The following RANBP2 variants were observed in gnomAD, a reference collection of about 807,000 sequenced individuals.
RANBP2 encodes RAN binding protein 2, also known as E3 SUMO-protein ligase RanBP2.
RANBP2 carries 57 observed loss-of-function variants against 303.6 expected under a neutral mutation model. The observed-to-expected ratio is 0.19, with a 90% CI of 0.15 to 0.23. The LOEUF (loss-of-function observed/expected upper bound fraction) is 0.23. Ranked by LOEUF, RANBP2 falls within the 10% of genes least tolerant of loss-of-function variation. The probability of loss-of-function intolerance (pLI) is 1.00; values close to 1 mark genes in which losing one functional copy is unlikely to be tolerated. For synonymous variants in RANBP2, 1,167 were observed against 1,301.5 expected (o/e 0.90, Z 2.23); for missense variants, 3,138 against 3,780.8 (o/e 0.83, Z 4.46).
chr2:108,744,297 G>T (rs1696338180), intron 7 of RANBP2, among the ~76,000 whole-genome samples: 3 of 152,094 alleles, frequency 2.0e-5, no homozygotes, highest in Non-Finnish European at 4.4e-5. Flanking sequence ...CCAGCTACTT[G>T]AGAGGCCGAG....
the RANBP2 span, among the ~76,000 whole-genome samples, chr2:109,037,464 TAAGAC>T: frequency 2.6e-5 from 4 of 151,266 alleles, no homozygotes; most frequent in South Asian, 4.2e-4. Flanking sequence ...ACCACTGAAA[TAAGAC>T]AAGAAAGAGA....
At chr2:108,839,221 C>T in the RANBP2 span, 1 of 1,611,328 alleles carries the variant, frequency 6.2e-7, no homozygotes, top group Non-Finnish European at 8.5e-7. Flanking sequence ...ACAGTGGATG[C>T]CATTTGTGAA....
At chr2:108,872,942 G>T in the RANBP2 span, among the ~76,000 whole-genome samples, 3 of 152,108 alleles carry the variant, frequency 2.0e-5, no homozygotes, top group Non-Finnish European at 2.9e-5. Flanking sequence ...AATTAAATGT[G>T]AGAGTAGTCT....
chr2:108,877,604 T>C, the RANBP2 span, among the ~76,000 whole-genome samples: 1 of 144,988 alleles, frequency 6.9e-6, no homozygotes, highest in African/African-American at 2.5e-5. Context: ...TATATAGAGA[T>C]AGTACTCATG....
At chr2:109,485,025 G>T in the RANBP2 span, among the ~76,000 whole-genome samples, 1 of 152,220 alleles carries the variant, frequency 6.6e-6, no homozygotes, top group Non-Finnish European at 1.5e-5. Context: ...AAAATAGTAC[G>T]TAACCCATCA....
the RANBP2 span, among the ~76,000 whole-genome samples, chr2:109,724,774 G>A: frequency 1.3e-4 from 20 of 152,290 alleles, no homozygotes; most frequent in East Asian, 3.9e-3. Context: ...AGGGAAGTCA[G>A]GACTTTGTGG....
chr2:109,079,660 A>G, the RANBP2 span, among the ~76,000 whole-genome samples: 1 of 152,378 alleles, frequency 6.6e-6, no homozygotes, highest in East Asian at 1.9e-4. Flanking sequence ...GAGAAGCTCC[A>G]GTGCTAAACG....
At chr2:109,066,031 G>C in the RANBP2 span, among the ~76,000 whole-genome samples, 1 of 152,076 alleles carries the variant, frequency 6.6e-6, no homozygotes, top group Admixed American at 6.5e-5. Flanking sequence ...TCTGCCTCCC[G>C]GATTCAAGCA....
the RANBP2 span, among the ~76,000 whole-genome samples, chr2:109,495,743 C>T: frequency 6.6e-6 from 1 of 152,204 alleles, no homozygotes; most frequent in South Asian, 2.1e-4. Context: ...CCGCCCACCT[C>T]GGATTCCCAG....
downstream of RANBP2, chr2:108,786,781 T>C (rs904013160): frequency 4.6e-6 from 7 of 1,536,000 alleles, no homozygotes; most frequent in Admixed American, 7.8e-5. Context: ...GCGGGTTTGA[T>C]GAACGCGGTT....
the RANBP2 span, among the ~76,000 whole-genome samples, chr2:109,416,816 G>A: frequency 2.7e-5 from 4 of 150,316 alleles, no homozygotes; most frequent in Non-Finnish European, 4.4e-5. Flanking sequence ...TAAGTCGGGA[G>A]AATCGCCTGA....
the RANBP2 span, among the ~76,000 whole-genome samples, chr2:108,917,969 C>A: frequency 6.6e-6 from 1 of 151,902 alleles, no homozygotes; most frequent in African/African-American, 2.4e-5. Context: ...TGCATTACCC[C>A]TAAATGCTTG....
the RANBP2 span, among the ~76,000 whole-genome samples, chr2:108,872,360 G>A: frequency 3.3e-5 from 5 of 152,036 alleles, no homozygotes; most frequent in South Asian, 8.3e-4. Flanking sequence ...CACATACCTC[G>A]GTAAATTATG....
At chr2:109,539,506 C>A in the RANBP2 span, among the ~76,000 whole-genome samples, 3 of 151,958 alleles carry the variant, frequency 2.0e-5, no homozygotes, top group Admixed American at 6.5e-5. Context: ...TGCAGTGGCA[C>A]GATCTTGGCT....
At chr2:109,333,986 T>C in the RANBP2 span, among the ~76,000 whole-genome samples, 1 of 152,166 alleles carries the variant, frequency 6.6e-6, no homozygotes, top group African/African-American at 2.4e-5. Flanking sequence ...TGTGTTAAAT[T>C]TTTAAGGAAG....
At chr2:109,347,881 G>A in the RANBP2 span, 1 of 1,612,788 alleles carries the variant, frequency 6.2e-7, no homozygotes, top group South Asian at 1.1e-5. Context: ...CCCGCCCCAG[G>A]GAAAAGCACT....
the RANBP2 span, among the ~76,000 whole-genome samples, chr2:109,024,171 C>T: frequency 4.6e-5 from 7 of 152,204 alleles, no homozygotes; most frequent in South Asian, 6.2e-4. Context: ...GTGATAGGCC[C>T]GCCTCAGCCT....
the RANBP2 span, among the ~76,000 whole-genome samples, chr2:108,872,350 C>T: frequency 1.3e-5 from 2 of 152,284 alleles, no homozygotes; most frequent in Middle Eastern, 3.4e-3. Context: ...CCACCACATA[C>T]ACATACCTCG....
At chr2:109,330,112 T>G in the RANBP2 span, among the ~76,000 whole-genome samples, 1 of 152,356 alleles carries the variant, frequency 6.6e-6, no homozygotes, top group East Asian at 1.9e-4. Flanking sequence ...AGCACGGGCA[T>G]GCATTTCCTT....
Sources: gnomAD v4.1 joint callset for allele counts (sites outside exome capture counted in the v4.1 genomes callset) on GRCh38, gnomAD v4.1.1 for gene constraint, MANE v1.5 for transcripts, NCBI Gene and HGNC (gene_info 2026-07-23, HGNC 2026-07-21) for gene names.